SNAP29: variants seen among roughly 807,000 people sequenced by gnomAD.
SNAP29 encodes synaptosomal-associated protein 29.
In SNAP29, 13 loss-of-function variants were observed where a neutral mutation model predicts 27.9. That is an observed-to-expected ratio of 0.47 (90% CI 0.30 to 0.74). The LOEUF (loss-of-function observed/expected upper bound fraction) is 0.74. Ranked by LOEUF, SNAP29 falls within the 30% of genes least tolerant of loss-of-function variation. The probability of loss-of-function intolerance (pLI) is 0.06; values close to 1 mark genes in which losing one functional copy is unlikely to be tolerated. For synonymous variants in SNAP29, 119 were observed against 127.1 expected, an observed-to-expected ratio of 0.94 and a Z score of 0.43; for missense variants, 368 against 336.5, an observed-to-expected ratio of 1.09 and a Z score of -0.73.
intron 1 of SNAP29, among the ~76,000 whole-genome samples, chr22:20,861,031 T>C (rs1219477843): frequency 6.6e-6 from 1 of 151,964 alleles, no homozygotes; most frequent in African/African-American, 2.4e-5. Flanking sequence ...AGCAACACGC[T>C]ATCATTTCCC....
chr22:20,871,389 G>A (rs916742502), intron 2 of SNAP29, among the ~76,000 whole-genome samples: 1 of 150,134 alleles, frequency 6.7e-6, no homozygotes, highest in Non-Finnish European at 1.5e-5. Context: ...AGACTGAGGT[G>A]GAAGGATTGC....
At chr22:20,873,531 A>G (rs1928646929) in intron 2 of SNAP29, among the ~76,000 whole-genome samples, 2 of 152,162 alleles carry the variant, frequency 1.3e-5, no homozygotes, top group Admixed American at 1.3e-4. Flanking sequence ...CAGAAAGAAC[A>G]GGCAGGCGAA....
intron 2 of SNAP29, among the ~76,000 whole-genome samples, chr22:20,874,911 G>A (rs1928704154): frequency 6.6e-6 from 1 of 152,058 alleles, no homozygotes; most frequent in African/African-American, 2.4e-5. Flanking sequence ...CATCCTCCAT[G>A]TACAAACTCA....
At position 20,888,000 on chromosome 22, in the gene SNAP29, T is replaced by C; in HGVS notation, c.*164T>C. 1 of 715,318 alleles carries C rather than the reference T, an allele frequency of 1.4e-6. No individual in the cohort carries two copies. Among genetic ancestry groups the C allele is most frequent in the East Asian group, 2.8e-5 (1 of 36,252 alleles). The allele number at this position is 715,318 out of a possible 1,614,324, so 44.3% of individuals were successfully genotyped here. ...ATTTTTGCTGTTATAAGGAAGTGTTTGTCCCACATTTTCCTAGGGTTAACA... is the reference window on the plus strand; with the variant it reads ...ATTTTTGCTGTTATAAGGAAGTGTTCGTCCCACATTTTCCTAGGGTTAACA... On this transcript the variant is annotated 3_prime_UTR_variant, in exon 5 of 5. Transcript: ENST00000215730.
At chr22:20,886,927 A>T (rs894548944) in intron 4 of SNAP29, among the ~76,000 whole-genome samples, 2 of 151,952 alleles carry the variant, frequency 1.3e-5, no homozygotes, top group Non-Finnish European at 2.9e-5. Context: ...CTACCTTTTT[A>T]AAAAAACTGA....
intron 1 of SNAP29, among the ~76,000 whole-genome samples, chr22:20,866,834 C>T (rs1320344793): frequency 6.6e-6 from 1 of 152,194 alleles, no homozygotes; most frequent in East Asian, 1.9e-4. Context: ...CTCAGTCTCT[C>T]CTCCAGCCTC....
chr22:20,870,546 T>A lies in SNAP29; in HGVS notation c.434+13T>A. 6.2e-7 allele frequency: 1 copy of A among 1,612,044 alleles called. No homozygotes were observed. Among genetic ancestry groups the A allele is most frequent in the Admixed American group, 1.7e-5 (1 of 59,752 alleles). On this transcript the variant is annotated intron_variant, in intron 2 of 4. Transcript: ENST00000215730. Reference sequence around the variant, plus strand: ...AGCCCAACAACAGGTGAGTGCATCTTCTACCATCTGGGTATAAAGGAGCAG... The same window carrying A: ...AGCCCAACAACAGGTGAGTGCATCTACTACCATCTGGGTATAAAGGAGCAG...
chr22:20,870,175 GA>G (rs1928552565), intron 1 of SNAP29, among the ~76,000 whole-genome samples, 161 bp from the exon 2 acceptor site: 3 of 152,122 alleles, frequency 2.0e-5, no homozygotes, highest in African/African-American at 7.2e-5. Context: ...AGAGGCAAAG[GA>G]ATGTGTTGTT....
Position 20,890,380 on chromosome 22 carries a change from C to T in SNAP29, c.*2544C>T. Reference sequence around the variant, plus strand: ...GGTACTGCAGACAGATTTTGATTTCCACAGTTGAGCTGGAAACAAACTGTG... The same window carrying T: ...GGTACTGCAGACAGATTTTGATTTCTACAGTTGAGCTGGAAACAAACTGTG... On this transcript the variant is annotated 3_prime_UTR_variant, in exon 5 of 5. Transcript: ENST00000215730. 2.5e-6 allele frequency: 1 copy of T among 398,576 alleles called. No homozygotes were observed. Among genetic ancestry groups the T allele is most frequent in the Non-Finnish European group, 4.4e-6 (1 of 226,056 alleles). The allele number at this position is 398,576 out of a possible 1,614,324, so 24.7% of individuals were successfully genotyped here.
intron 2 of SNAP29, among the ~76,000 whole-genome samples, chr22:20,880,048 A>G (rs140862601): frequency 1.4e-3 from 208 of 151,966 alleles, no homozygotes; most frequent in African/African-American, 4.6e-3. Context: ...AGTTGAGTAC[A>G]GTATTCTGGT....
In SNAP29 at chr22:20,859,072, C is replaced by G. The variant is rs779871033; in HGVS notation, c.-39C>G. On this transcript the variant is annotated 5_prime_UTR_variant, in exon 1 of 5. Transcript: ENST00000215730. ...CCTGGACGGCGGCGGCAGTGGGGCT[C>G]CTCCTTCTGTTTCCCAGACCGAGAG... The G allele has an allele frequency of 3.1e-5, 47 of 1,524,258 alleles. No homozygotes were observed. Among genetic ancestry groups the G allele is most frequent in the Non-Finnish European group, 4.2e-5 (47 of 1,108,378 alleles). The allele number at this position is 1,524,258 out of a possible 1,614,324, so 94.4% of individuals were successfully genotyped here.
chr22:20,860,810 G>A (rs1928296208), intron 1 of SNAP29, among the ~76,000 whole-genome samples: 1 of 152,192 alleles, frequency 6.6e-6, no homozygotes, highest in Non-Finnish European at 1.5e-5. Context: ...CAATTTGTAA[G>A]GCTGAGGTAG....
At chr22:20,859,591 T>C in intron 1 of SNAP29, 2 of 558,956 alleles carry the variant, frequency 3.6e-6, no homozygotes, top group Non-Finnish European at 6.3e-6. Context: ...GTTGATTTTT[T>C]TTTTCTTACG....
intron 1 of SNAP29, among the ~76,000 whole-genome samples, chr22:20,863,244 T>C (rs1037959671): frequency 6.6e-6 from 1 of 152,180 alleles, no homozygotes; most frequent in African/African-American, 2.4e-5. Flanking sequence ...GTATGAGCTC[T>C]TCCAACCCTC....
At chr22:20,885,418 C>T (rs1259942990) in intron 4 of SNAP29, among the ~76,000 whole-genome samples, 1 of 152,160 alleles carries the variant, frequency 6.6e-6, no homozygotes. Flanking sequence ...CAGCTGCCAC[C>T]TCCTTCTATG....
At chr22:20,880,198 A>G (rs1002714088) in intron 2 of SNAP29, among the ~76,000 whole-genome samples, 1 of 152,116 alleles carries the variant, frequency 6.6e-6, no homozygotes, top group African/African-American at 2.4e-5. Flanking sequence ...GTATTTTACC[A>G]TAATAAAAAT....
intron 2 of SNAP29, among the ~76,000 whole-genome samples, chr22:20,878,509 C>T (rs998132029): frequency 6.6e-6 from 1 of 151,932 alleles, no homozygotes; most frequent in Admixed American, 6.6e-5. Context: ...ACCCAGGAGG[C>T]GGAGCTTGCA....
chr22:20,886,672 A>G (rs983099873), intron 4 of SNAP29, among the ~76,000 whole-genome samples: 10 of 149,210 alleles, frequency 6.7e-5, no homozygotes, highest in African/African-American at 2.0e-4. Flanking sequence ...AGTGCAGTGC[A>G]TTGATCTCAG....
At position 20,870,443 on chromosome 22, in the gene SNAP29, T is replaced by G. The variant is rs1478754359; in HGVS notation, c.344T>G (p.Val115Gly). ...SQKHINSIKS[V>G]FGGLVNYFKS... is the part of the protein sequence containing the mutation. ...AAACACATCAATAGCATTAAGAGCG[T>G]GTTTGGGGGGCTGGTCAATTACTTC... Residue 115 changes from valine (V) to glycine (G), a missense_variant, in exon 2 of 5, where the codon GTG becomes GGG. Transcript: ENST00000215730. 6.2e-7 allele frequency: 1 copy of G among 1,614,162 alleles called. No individual in the cohort carries two copies. The highest frequency in any genetic ancestry group is 8.5e-7 in the Non-Finnish European group (1 of 1,180,030).
Sources: gnomAD v4.1 joint callset for allele counts (sites outside exome capture counted in the v4.1 genomes callset) on GRCh38, gnomAD v4.1.1 for gene constraint, MANE v1.5 for transcripts, NCBI Gene and HGNC (gene_info 2026-07-23, HGNC 2026-07-21) for gene names.